Variants in FGF12 observed in about 807,000 individuals in gnomAD.
FGF12 encodes fibroblast growth factor 12B.
In FGF12, 14 loss-of-function variants were observed where a neutral mutation model predicts 23.6. The ratio of observed to expected loss-of-function variants is 0.59; its 90% CI spans 0.39 to 0.93. The LOEUF (loss-of-function observed/expected upper bound fraction) is 0.93, where lower values mean the gene tolerates loss of function less well. Ranked by LOEUF, FGF12 falls within the 40% of genes least tolerant of loss-of-function variation. The pLI, the probability that FGF12 is intolerant of heterozygous loss-of-function variation, is 0.00. For synonymous variants in FGF12, 62 were observed against 77.3 expected (o/e 0.80, Z 1.04); for missense variants, 175 against 217.8 (o/e 0.80, Z 1.24).
At chr3:192,338,882 G>A (rs1242944054) in intron 3 of FGF12, among the ~76,000 whole-genome samples, 2 of 152,114 alleles carry the variant, frequency 1.3e-5, no homozygotes, top group African/African-American at 2.4e-5. Context: ...ACTGGAAAAC[G>A]ATTAAGTTCA....
chr3:192,411,383 T>G (rs547908499), intron 2 of FGF12, among the ~76,000 whole-genome samples: 1 of 152,202 alleles, frequency 6.6e-6, no homozygotes, highest in South Asian at 2.1e-4. Flanking sequence ...AAAGGGAGAA[T>G]CCCAGCTGTC....
chr3:192,578,850 C>CA lies in FGF12; in HGVS notation c.13+148330dup, dbSNP rs557962804. Reference sequence around the variant, plus strand: ...CAAAGCGAGTAGCTCATATTATTCCCACCTGCAAAGGAACAGCCTTCATGA... The same window carrying CA: ...CAAAGCGAGTAGCTCATATTATTCCCAACCTGCAAAGGAACAGCCTTCATGA... On this transcript the variant is annotated intron_variant, in intron 2 of 5. Coordinates refer to ENST00000445105, the MANE Select transcript of FGF12 (RefSeq NM_004113.6). Among the ~76,000 whole-genome samples the CA allele has an allele frequency of 4.6e-3, 694 of 152,222 alleles. 2 individuals are homozygous for CA. Among genetic ancestry groups the CA allele is most frequent in the Middle Eastern group, 0.014 (4 of 294 alleles).
intron 2 of FGF12, among the ~76,000 whole-genome samples, chr3:192,462,548 A>C (rs1722895435): frequency 6.6e-6 from 1 of 152,168 alleles, no homozygotes; most frequent in African/African-American, 2.4e-5. Context: ...CAATCTCCAT[A>C]AGTGTAAGAA....
chr3:192,453,443 C>T (rs773981925), intron 2 of FGF12, among the ~76,000 whole-genome samples: 9 of 151,934 alleles, frequency 5.9e-5, no homozygotes, highest in Non-Finnish European at 8.8e-5. Context: ...GAATGCCCCC[C>T]CCTTTTTAAA....
intron 4 of FGF12, among the ~76,000 whole-genome samples, chr3:192,178,032 C>T (rs1044906985): frequency 3.3e-5 from 5 of 152,130 alleles, no homozygotes; most frequent in Non-Finnish European, 7.4e-5. Flanking sequence ...CAAATCGACT[C>T]CAACAAAATA....
chr3:192,290,758 T>G (rs921903504), intron 4 of FGF12, among the ~76,000 whole-genome samples: 1 of 152,152 alleles, frequency 6.6e-6, no homozygotes, highest in Non-Finnish European at 1.5e-5. Flanking sequence ...TAAATTATAT[T>G]GTATTAAAGT....
intron 2 of FGF12, among the ~76,000 whole-genome samples, chr3:192,365,674 A>C (rs905709357): frequency 8.5e-5 from 13 of 152,172 alleles, no homozygotes; most frequent in Non-Finnish European, 1.6e-4. Flanking sequence ...AAGGAAGGTA[A>C]AGGATGGGAC....
chr3:192,258,679 G>A (rs1361766032), intron 4 of FGF12, among the ~76,000 whole-genome samples: 1 of 152,036 alleles, frequency 6.6e-6, no homozygotes, highest in East Asian at 1.9e-4. Context: ...ATTAAAGAAA[G>A]TATAAAAACT....
At chr3:192,208,389 C>A (rs1186259646) in intron 4 of FGF12, among the ~76,000 whole-genome samples, 1 of 152,092 alleles carries the variant, frequency 6.6e-6, no homozygotes, top group African/African-American at 2.4e-5. Context: ...GCTGTTTAGC[C>A]ACTGAATAAG....
At chr3:192,622,111 A>T (rs1714998084) in intron 2 of FGF12, among the ~76,000 whole-genome samples, 1 of 152,188 alleles carries the variant, frequency 6.6e-6, no homozygotes, top group Non-Finnish European at 1.5e-5. Context: ...TACGCACAGC[A>T]TGGCTTCTCT....
intron 4 of FGF12, among the ~76,000 whole-genome samples, chr3:192,192,557 G>C (rs1003498940): frequency 6.7e-6 from 1 of 150,138 alleles, no homozygotes; most frequent in South Asian, 2.1e-4. Flanking sequence ...ACAGATCTTC[G>C]CACTTGAAAC....
intron 2 of FGF12, among the ~76,000 whole-genome samples, chr3:192,636,906 G>C (rs550249708): frequency 1.3e-5 from 2 of 152,304 alleles, no homozygotes; most frequent in South Asian, 4.1e-4. Flanking sequence ...AAGGGCAATG[G>C]CAATGAAGAG....
intron 2 of FGF12, among the ~76,000 whole-genome samples, chr3:192,683,868 G>A (rs1157265198): frequency 6.6e-6 from 1 of 152,120 alleles, no homozygotes; most frequent in East Asian, 1.9e-4. Flanking sequence ...TTTCTGTTCG[G>A]CTGCAACTCA....
intron 2 of FGF12, among the ~76,000 whole-genome samples, chr3:192,692,484 C>T (rs540572050): frequency 2.6e-5 from 4 of 152,232 alleles, no homozygotes; most frequent in East Asian, 1.9e-4. Context: ...GCAGGCAGAT[C>T]GCTAGAGCTC....
chr3:192,435,450 G>A (rs1172196888), intron 2 of FGF12, among the ~76,000 whole-genome samples: 1 of 152,188 alleles, frequency 6.6e-6, no homozygotes, highest in Admixed American at 6.5e-5. Context: ...ACTGCTCACT[G>A]TGATAATCCC....
At chr3:192,725,111 T>C (rs1027585637) in intron 2 of FGF12, among the ~76,000 whole-genome samples, 1 of 152,240 alleles carries the variant, frequency 6.6e-6, no homozygotes, top group Admixed American at 6.5e-5. Flanking sequence ...ACACTCTTTT[T>C]GGCTGGAATA....
At chr3:192,163,950 ATTC>A (rs1358053927) in intron 5 of FGF12, among the ~76,000 whole-genome samples, 1 of 151,936 alleles carries the variant, frequency 6.6e-6, no homozygotes, top group Non-Finnish European at 1.5e-5. Context: ...CTCTCAAATG[ATTC>A]TTAGTTATCT....
intron 2 of FGF12, among the ~76,000 whole-genome samples, chr3:192,447,591 CTCTAA>C (rs1235139850): frequency 2.6e-4 from 39 of 152,118 alleles, no homozygotes; most frequent in Non-Finnish European, 1.5e-5. Context: ...CAGACTTGGA[CTCTAA>C]TCTGTTTCCT....
At chr3:192,415,948 T>C (rs1721339988) in intron 2 of FGF12, among the ~76,000 whole-genome samples, 1 of 148,614 alleles carries the variant, frequency 6.7e-6, no homozygotes, top group Non-Finnish European at 1.5e-5. Context: ...TCTTTCTCCA[T>C]GGGCCATTCC....
Sources: allele counts gnomAD v4.1 joint callset (sites outside exome capture counted in the v4.1 genomes callset), GRCh38; gene constraint gnomAD v4.1.1; transcripts MANE v1.5; gene names NCBI Gene and HGNC (gene_info 2026-07-23, HGNC 2026-07-21).